Variants in NFATC1 observed in about 807,000 individuals in gnomAD.
The protein encoded by NFATC1 is nuclear factor of activated T-cells, cytoplasmic 1.
Under a neutral mutation model 76.0 loss-of-function variants are expected in NFATC1, and 22 were observed. That is an observed-to-expected ratio of 0.29 (90% CI 0.21 to 0.41). The LOEUF (loss-of-function observed/expected upper bound fraction) is 0.41, where lower values mean the gene tolerates loss of function less well. Among genes scored for constraint, NFATC1 ranks in the 10% least tolerant of loss-of-function variants. The pLI is 1.00. For missense variants in NFATC1, 1,357 were observed against 1,337.7 expected (o/e 1.01, Z -0.23); for synonymous variants, 704 against 613.1 (o/e 1.15, Z -2.19).
At chr18:79,495,951 CAGTAGTAAGG>C (rs2089870204) in intron 9 of NFATC1, 1 of 151,978 alleles carries the variant, frequency 6.6e-6, no homozygotes. Flanking sequence ...AAGCCGTGAA[CAGTAGTAAGG>C]CGTCCGCAAG....
chr18:79,418,554 G>A (rs1305054156), intron 2 of NFATC1, among the ~76,000 whole-genome samples: 1 of 152,224 alleles, frequency 6.6e-6, no homozygotes. Context: ...TCAGAGCCCA[G>A]TCGAGGGGCT....
Position 79,474,490 on chromosome 18 carries a change from ACACT to A in NFATC1, c.2092+6913_2092+6916del, listed in dbSNP as rs574195665. On this transcript the variant is annotated intron_variant, in intron 8 of 9. Transcript: ENST00000427363. Reference sequence around the variant, plus strand: ...GTAAACCTGAGGGAAGCGTGTTCTCACACTCACTGTCGACGTTGCAAGGGAAGCG... The same window carrying A: ...GTAAACCTGAGGGAAGCGTGTTCTCACACTGTCGACGTTGCAAGGGAAGCG... Among the ~76,000 whole-genome samples the A allele has an allele frequency of 4.3e-4, 64 of 148,304 alleles. 2 individuals are homozygous for A. The highest frequency in any genetic ancestry group is 1.1e-3 in the African/African-American group (45 of 39,690).
chr18:79,409,853 G>A (rs565945826), intron 1 of NFATC1, among the ~76,000 whole-genome samples: 4 of 152,354 alleles, frequency 2.6e-5, no homozygotes, highest in East Asian at 1.9e-4. Context: ...TTGTCAAAGA[G>A]ATGACAGTGT....
chr18:79,472,623 G>A (rs1021284296), intron 8 of NFATC1, among the ~76,000 whole-genome samples: 99 of 152,216 alleles, frequency 6.5e-4, no homozygotes, highest in African/African-American at 2.1e-3. Flanking sequence ...TTGAACACCT[G>A]TGGCCTCTTC....
At chr18:79,510,861 CTCTGCCGGGGCATCT>C (rs1569043234) in intron 9 of NFATC1, among the ~76,000 whole-genome samples, 1 of 22,806 alleles carries the variant, frequency 4.4e-5, no homozygotes, top group Admixed American at 4.5e-4. Context: ...CCGGGGCATC[CTCTGCCGGGGCATCT>C]TCCGCCGGGG....
At chr18:79,463,709 C>T (rs887838405) in intron 7 of NFATC1, among the ~76,000 whole-genome samples, 7 of 152,264 alleles carry the variant, frequency 4.6e-5, no homozygotes, top group African/African-American at 9.6e-5. Flanking sequence ...ATCTGGCTCT[C>T]CGTCCCTCTG....
Position 79,458,666 on chromosome 18 carries a change from C to A in NFATC1, c.1904-2645C>A, listed in dbSNP as rs530649175. On this transcript the variant is annotated intron_variant, in intron 6 of 9. Coordinates refer to ENST00000427363, the MANE Select transcript of NFATC1 (RefSeq NM_001278669.2). The stretch of plus-strand genomic sequence containing the variant: ...CTAAGGACTCGGAGCTCTGATAAGG[C>A]TGAACACAAAGGCCCTTTCAGGACC... 5.9e-5 allele frequency among the ~76,000 whole-genome samples: 9 copies of A among 152,350 alleles called. No homozygotes were observed. In the East Asian group the frequency reaches 1.4e-3, roughly 23 times the overall value.
At chr18:79,523,261 C>T (rs1051296523) in intron 9 of NFATC1, among the ~76,000 whole-genome samples, 2 of 152,168 alleles carry the variant, frequency 1.3e-5, no homozygotes, top group African/African-American at 4.8e-5. Context: ...GCTTCCAAGC[C>T]AGGCAGCAAG....
chr18:79,453,655 C>T lies in NFATC1; in HGVS notation c.1903+1839C>T, dbSNP rs377612452. ...CCATGAGGTCAGGGTGGGTCTCTGA[C>T]CCTCTGCCAGCACCAGCCGGCGTCT... On this transcript the variant is annotated intron_variant, in intron 6 of 9. Transcript: ENST00000427363. Among the ~76,000 whole-genome samples the T allele has an allele frequency of 2.3e-4, 35 of 152,348 alleles. 1 individual carries two copies. Among genetic ancestry groups the T allele is most frequent in the African/African-American group, 7.5e-4 (31 of 41,576 alleles).
intron 6 of NFATC1, among the ~76,000 whole-genome samples, chr18:79,455,151 CTTTT>C: frequency 1.3e-5 from 2 of 152,246 alleles, no homozygotes; most frequent in African/African-American, 4.8e-5. Context: ...GAACAACCTC[CTTTT>C]CTTAAGTCAC....
rs562950169 is a variant in NFATC1 at position 79,423,290 on chromosome 18, G to A, written c.1227-10289G>A. On this transcript the variant is annotated intron_variant, in intron 2 of 9. Transcript: ENST00000427363. ...ACAGCCCAGATCCCGCGCGCTCCCG[G>A]TCTGTGGCTTTGACTTTGGTTTGAG... 2.6e-5 allele frequency among the ~76,000 whole-genome samples: 4 copies of A among 152,350 alleles called. No homozygotes were observed. In the East Asian group the frequency reaches 5.8e-4, roughly 22 times the overall value.
chr18:79,440,065 T>C (rs948358822), intron 3 of NFATC1, among the ~76,000 whole-genome samples: 6 of 152,090 alleles, frequency 3.9e-5, no homozygotes, highest in African/African-American at 1.2e-4. Context: ...CTGGCAAAAA[T>C]GTGGCCTGGG....
At chr18:79,448,467 C>T (rs904784358) in intron 3 of NFATC1, 7 of 397,392 alleles carry the variant, frequency 1.8e-5, no homozygotes, top group Admixed American at 8.6e-5. Flanking sequence ...CATGGCTCAG[C>T]GAGGGCTCCG....
Position 79,451,595 on chromosome 18 carries a change from T to C in NFATC1, c.1763-81T>C, listed in dbSNP as rs9965861. The C allele has an allele frequency of 0.02, 28,641 of 1,399,984 alleles. 4,193 individuals are homozygous for C. The African/African-American group carries it at 0.34, about 17-fold the overall frequency. 86.7% of individuals were successfully genotyped at this position (1,399,984 alleles called of 1,614,324 possible). A position where few individuals can be genotyped will look rare whatever the true frequency, so the allele number is the denominator to read the frequency against. On this transcript the variant is annotated intron_variant, in intron 5 of 9. Coordinates refer to ENST00000427363, the MANE Select transcript of NFATC1 (RefSeq NM_001278669.2). ...CTTGCTCTGGGTGGGTCGGCTCACGTGTGACCTGCTGGGTGCCACACGTGT... is the reference window on the plus strand; with the variant it reads ...CTTGCTCTGGGTGGGTCGGCTCACGCGTGACCTGCTGGGTGCCACACGTGT...
intron 3 of NFATC1, among the ~76,000 whole-genome samples, chr18:79,437,057 G>A (rs1238911268): frequency 1.3e-5 from 2 of 152,210 alleles, no homozygotes; most frequent in African/African-American, 4.8e-5. Context: ...GAAGAGCGGG[G>A]CCCTGGAGCC....
chr18:79,446,925 C>T (rs1431918368), intron 3 of NFATC1, among the ~76,000 whole-genome samples: 1 of 152,212 alleles, frequency 6.6e-6, no homozygotes, highest in East Asian at 1.9e-4. Flanking sequence ...CCCCAAACGC[C>T]CCTTCGATGT....
intron 2 of NFATC1, among the ~76,000 whole-genome samples, chr18:79,416,625 A>T (rs775027776): frequency 1.3e-5 from 2 of 152,242 alleles, no homozygotes; most frequent in Non-Finnish European, 2.9e-5. Context: ...GAAGACGGAT[A>T]GCAAAGAAGC....
intron 1 of NFATC1, among the ~76,000 whole-genome samples, chr18:79,399,451 A>G (rs2085108475): frequency 6.6e-6 from 1 of 152,086 alleles, no homozygotes; most frequent in Non-Finnish European, 1.5e-5. Flanking sequence ...TCAGACTCCC[A>G]CCATCCTCCT....
At chr18:79,522,365 T>G (rs2090628492) in intron 9 of NFATC1, among the ~76,000 whole-genome samples, 1 of 55,388 alleles carries the variant, frequency 1.8e-5, no homozygotes, top group African/African-American at 9.2e-5. Flanking sequence ...GATGTTTGTG[T>G]CTCTGTGTGT....
Sources: gnomAD v4.1 joint callset for allele counts (sites outside exome capture counted in the v4.1 genomes callset) on GRCh38, gnomAD v4.1.1 for gene constraint, MANE v1.5 for transcripts, NCBI Gene and HGNC (gene_info 2026-07-23, HGNC 2026-07-21) for gene names.